SGCZ: variants seen among roughly 807,000 people sequenced by gnomAD.
SGCZ encodes sarcoglycan zeta, also known as zeta-sarcoglycan.
In SGCZ, 40 loss-of-function variants were observed where a neutral mutation model predicts 41.3. The ratio of observed to expected loss-of-function variants is 0.97; its 90% CI spans 0.75 to 1.26. The LOEUF (loss-of-function observed/expected upper bound fraction) is 1.26. SGCZ is among the 50% of genes most tolerant of loss of function. The pLI is 0.00. For missense variants in SGCZ, 552 were observed against 369.8 expected, an observed-to-expected ratio of 1.49 and a Z score of -4.04; for synonymous variants, 206 against 137.5, an observed-to-expected ratio of 1.50 and a Z score of -3.49.
chr8:14,152,629 A>G (rs376784375), intron 5 of SGCZ, among the ~76,000 whole-genome samples: 6 of 152,342 alleles, frequency 3.9e-5, no homozygotes, highest in African/African-American at 1.2e-4. Flanking sequence ...AAAAGTTTAT[A>G]AAACAAAACT....
At chr8:15,172,403 G>T (rs983313139) in intron 1 of SGCZ, among the ~76,000 whole-genome samples, 1 of 151,574 alleles carries the variant, frequency 6.6e-6, no homozygotes, top group South Asian at 2.1e-4. Context: ...CTCGTGATCT[G>T]CCCGTCTCGG....
intron 1 of SGCZ, among the ~76,000 whole-genome samples, chr8:15,107,696 T>C (rs952423637): frequency 1.3e-5 from 2 of 152,184 alleles, no homozygotes; most frequent in African/African-American, 2.4e-5. Flanking sequence ...GCCTCAGGTA[T>C]TCAGTTACAG....
intron 2 of SGCZ, among the ~76,000 whole-genome samples, chr8:14,382,607 G>A (rs1345767151): frequency 1.3e-5 from 2 of 152,116 alleles, no homozygotes; most frequent in African/African-American, 2.4e-5. Context: ...TATTGGGGAC[G>A]TTCGAGAATA....
chr8:15,193,621 A>G (rs1490383968), intron 1 of SGCZ, among the ~76,000 whole-genome samples: 1 of 152,112 alleles, frequency 6.6e-6, no homozygotes, highest in African/African-American at 2.4e-5. Context: ...TCAGTTAGTC[A>G]TATTTCTGGT....
chr8:14,595,372 A>G (rs184353369), intron 1 of SGCZ, among the ~76,000 whole-genome samples: 1 of 151,364 alleles, frequency 6.6e-6, no homozygotes, highest in Admixed American at 6.6e-5. Context: ...GTTTGTACTC[A>G]CATATATATA....
At chr8:14,759,324 T>A (rs974997493) in intron 1 of SGCZ, among the ~76,000 whole-genome samples, 1 of 144,012 alleles carries the variant, frequency 6.9e-6, no homozygotes, top group African/African-American at 2.6e-5. Context: ...TCTGATTTTT[T>A]AAAAATAGTT....
chr8:14,709,140 AT>A lies in SGCZ; in HGVS notation c.40-154215del, dbSNP rs1303334191. ...TGTGCTCTTACCATAGAAGAAAAGT[AT>A]TTTGTCATGATCTAAAAGCATCTTA... On this transcript the variant is annotated intron_variant, in intron 1 of 7. Transcript: ENST00000382080. 3.9e-5 allele frequency among the ~76,000 whole-genome samples: 6 copies of A among 152,250 alleles called. No individual in the cohort carries two copies. The East Asian group carries it at 1.2e-3, about 29-fold the overall frequency.
chr8:14,946,062 T>TA (rs1444237461), intron 1 of SGCZ, among the ~76,000 whole-genome samples: 2 of 94,094 alleles, frequency 2.1e-5, no homozygotes, highest in Non-Finnish European at 4.1e-5. Context: ...ATATGAATCA[T>TA]TCTGTATACT....
intron 1 of SGCZ, among the ~76,000 whole-genome samples, chr8:15,195,570 T>C (rs73529505): frequency 0.015 from 2,328 of 152,278 alleles, 57 homozygotes; most frequent in African/African-American, 0.05. Context: ...GGGTTGTATT[T>C]TTAACCCTTT....
chr8:14,510,255 T>C (rs1802429918), intron 2 of SGCZ, among the ~76,000 whole-genome samples: 1 of 152,148 alleles, frequency 6.6e-6, no homozygotes, highest in Non-Finnish European at 1.5e-5. Flanking sequence ...AGAGGCAGAC[T>C]GGTGGAGTAG....
intron 1 of SGCZ, among the ~76,000 whole-genome samples, chr8:15,176,175 G>A (rs1416457466): frequency 6.6e-6 from 1 of 152,136 alleles, no homozygotes. Context: ...AGTTAAATAG[G>A]TTTGGTCATT....
intron 1 of SGCZ, among the ~76,000 whole-genome samples, chr8:15,160,306 T>C (rs1799472282): frequency 6.6e-6 from 1 of 152,212 alleles, no homozygotes; most frequent in African/African-American, 2.4e-5. Flanking sequence ...ATTGACCATA[T>C]TGTGTCAGAA....
chr8:14,126,984 CAG>C (rs896615741), intron 5 of SGCZ, among the ~76,000 whole-genome samples: 35 of 151,648 alleles, frequency 2.3e-4, no homozygotes, highest in African/African-American at 8.5e-4. Flanking sequence ...TCTGGGGGGT[CAG>C]GGGGAGGGAG....
intron 1 of SGCZ, among the ~76,000 whole-genome samples, chr8:14,713,021 G>A (rs1307429940): frequency 6.6e-6 from 1 of 152,004 alleles, no homozygotes; most frequent in African/African-American, 2.4e-5. Flanking sequence ...CTACTGTGTA[G>A]GCCCCTAGTT....
intron 4 of SGCZ, among the ~76,000 whole-genome samples, chr8:14,217,364 T>C (rs1433994156): frequency 6.8e-6 from 1 of 146,034 alleles, no homozygotes; most frequent in Non-Finnish European, 1.5e-5. Flanking sequence ...TACAAATGGA[T>C]ACATGTATAA....
In SGCZ at chr8:14,232,152, T is replaced by C. The variant is rs551442349; in HGVS notation, c.424+5440A>G. On this transcript the variant is annotated intron_variant, in intron 4 of 7. Transcript: ENST00000382080. ...TTCTTTCATCATATATATATACATATATATTTAATTTCAATTTTTAAGTGT... is the reference window on the plus strand; with the variant it reads ...TTCTTTCATCATATATATATACATACATATTTAATTTCAATTTTTAAGTGT... Among the ~76,000 whole-genome samples, 6 of 151,746 alleles carry C rather than the reference T, an allele frequency of 4.0e-5. No homozygotes were observed. In the East Asian group the frequency reaches 9.7e-4, roughly 24 times the overall value.
chr8:14,823,079 A>G (rs1802169838), intron 1 of SGCZ, among the ~76,000 whole-genome samples: 1 of 146,218 alleles, frequency 6.8e-6, no homozygotes, highest in Non-Finnish European at 1.5e-5. Context: ...AAAAAAAAAG[A>G]CTTCTGTGTA....
chr8:14,226,158 G>T (rs555212000), intron 4 of SGCZ, among the ~76,000 whole-genome samples: 1 of 151,934 alleles, frequency 6.6e-6, no homozygotes, highest in Non-Finnish European at 1.5e-5. Flanking sequence ...TTACATAGTT[G>T]CATGAAGAAA....
chr8:14,165,970 A>G (rs1804196491), intron 4 of SGCZ, among the ~76,000 whole-genome samples: 1 of 152,150 alleles, frequency 6.6e-6, no homozygotes, highest in Non-Finnish European at 1.5e-5. Flanking sequence ...CCTCCCCATC[A>G]TCATAGCTGC....
Sources: allele counts gnomAD v4.1 joint callset (sites outside exome capture counted in the v4.1 genomes callset), GRCh38; gene constraint gnomAD v4.1.1; transcripts MANE v1.5; gene names NCBI Gene and HGNC (gene_info 2026-07-23, HGNC 2026-07-21).